NDE1: variants seen among roughly 807,000 people sequenced by gnomAD.
NDE1 encodes nuclear distribution protein nudE homolog 1.
NDE1 carries 28 observed loss-of-function variants against 43.4 expected under a neutral mutation model. The observed-to-expected ratio is 0.65, with a 90% confidence interval of 0.48 to 0.89. The LOEUF (loss-of-function observed/expected upper bound fraction) is 0.89, where lower values mean the gene tolerates loss of function less well. Ranked by LOEUF, NDE1 falls within the 40% of genes least tolerant of loss-of-function variation. The pLI is 0.00. For missense variants in NDE1, 441 were observed against 434.1 expected (o/e 1.02, Z -0.14); for synonymous variants, 184 against 172.0 (o/e 1.07, Z -0.55).
intron 8 of NDE1, chr16:15,714,965 G>C: frequency 6.2e-7 from 1 of 1,614,074 alleles, no homozygotes; most frequent in Admixed American, 1.7e-5. Context: ...TGCTCTCCGT[G>C]GCCTCATCCA....
intron 1 of NDE1, among the ~76,000 whole-genome samples, chr16:15,659,616 T>C (rs1246704851): frequency 1.3e-5 from 2 of 151,748 alleles, no homozygotes; most frequent in African/African-American, 2.4e-5. Context: ...TTTATATTTT[T>C]AGTAGAGATG....
intron 8 of NDE1, chr16:15,714,867 T>C (rs1166003902): frequency 6.2e-7 from 1 of 1,610,966 alleles, no homozygotes; most frequent in Non-Finnish European, 8.5e-7. Flanking sequence ...TGCTTTTCTC[T>C]GGCCTGAGAG....
At chr16:15,665,937 G>C (rs1446301671) in intron 2 of NDE1, among the ~76,000 whole-genome samples, 1 of 151,976 alleles carries the variant, frequency 6.6e-6, no homozygotes, top group Non-Finnish European at 1.5e-5. Flanking sequence ...TGTATTTTTA[G>C]TAGAGACGGG....
At chr16:15,665,408 C>T (rs1433756472) in intron 2 of NDE1, among the ~76,000 whole-genome samples, 3 of 152,030 alleles carry the variant, frequency 2.0e-5, no homozygotes, top group Non-Finnish European at 4.4e-5. Flanking sequence ...CCTGATTATC[C>T]TACTATGCTA....
intron 8 of NDE1, chr16:15,718,205 C>T (rs559423673): frequency 6.4e-6 from 10 of 1,562,124 alleles, no homozygotes; most frequent in Non-Finnish European, 7.8e-6. Flanking sequence ...TCTTGTCCCT[C>T]AATCCAGGGC....
chr16:15,724,187 C>G lies in NDE1; in HGVS notation c.948-4C>G. The G allele has an allele frequency of 6.2e-7, 1 of 1,613,942 alleles. No homozygotes were observed. The highest frequency in any genetic ancestry group is 1.3e-5 in the African/African-American group (1 of 75,046). ...TGATCAAATTTCCTCTGCTTCTTTT[C>G]CAGGTTGGACACGAGTTGCCGCTGG... On this transcript the variant is annotated splice_polypyrimidine_tract_variant and splice_region_variant and intron_variant, in intron 8 of 8. Coordinates refer to ENST00000396354, the MANE Select transcript of NDE1 (RefSeq NM_017668.3).
intron 3 of NDE1, among the ~76,000 whole-genome samples, 175 bp downstream of exon 3, chr16:15,667,614 G>A (rs955653353): frequency 6.7e-6 from 1 of 149,954 alleles, no homozygotes; most frequent in Non-Finnish European, 1.5e-5. Flanking sequence ...GCCTCTAGTG[G>A]GTGGTGCTTT....
At chr16:15,715,323 G>C in intron 8 of NDE1, 5 of 1,577,248 alleles carry the variant, frequency 3.2e-6, no homozygotes, top group East Asian at 2.2e-5. Flanking sequence ...GGCACCCCTT[G>C]TAGCTGGTGT....
intron 7 of NDE1, chr16:15,695,449 A>C (rs1188752978): frequency 1.1e-5 from 11 of 962,950 alleles, no homozygotes. Context: ...CGGAGGTTGC[A>C]GTGAGCTGAG....
chr16:15,661,742 C>T (rs575803418), intron 1 of NDE1, among the ~76,000 whole-genome samples: 1 of 152,132 alleles, frequency 6.6e-6, no homozygotes, highest in East Asian at 1.9e-4. Context: ...CTGCACCCAG[C>T]CACCTTCTGG....
At position 15,725,151 on chromosome 16, in the gene NDE1, AC is replaced by A. The variant is rs1407121848; in HGVS notation, c.*901del. The A allele has an allele frequency of 4.1e-5, 26 of 641,768 alleles. No individual in the cohort carries two copies. In the African/African-American group the frequency reaches 4.7e-4, roughly 12 times the overall value. 39.8% of individuals were successfully genotyped at this position (641,768 alleles called of 1,614,324 possible). On this transcript the variant is annotated 3_prime_UTR_variant, in exon 9 of 9. Transcript: ENST00000396354. ...GACTCTGATAAAAAAAAAAAAAAAC[AC>A]ACACACACACAAAAAAAACAGAATC...
At chr16:15,676,651 A>G (rs2037896574) in intron 3 of NDE1, among the ~76,000 whole-genome samples, 1 of 151,810 alleles carries the variant, frequency 6.6e-6, no homozygotes, top group African/African-American at 2.4e-5. Flanking sequence ...TGTTGTGGGC[A>G]CAAACAACGG....
rs547772543 is a variant in NDE1 at position 15,667,400 on chromosome 16, C to T, written c.198C>T (p.Ser66=). 28 of 1,613,836 alleles carry T rather than the reference C, an allele frequency of 1.7e-5. No homozygotes were observed. The highest frequency in any genetic ancestry group is 1.0e-4 in the Admixed American group (6 of 59,960). ...QIETRNRDLL[S]ENNRLRMELE... is the part of the protein sequence containing the mutation. Reference sequence around the variant, plus strand: ...AAACCAGGAACAGAGACCTCCTGTCCGAAAATAACCGCCTTCGCATGGAGC... The same window carrying T: ...AAACCAGGAACAGAGACCTCCTGTCTGAAAATAACCGCCTTCGCATGGAGC... The change falls in exon 3 of 9, where the codon TCC becomes TCT. Residue 66 remains serine, a synonymous_variant. Coordinates refer to ENST00000396354, the MANE Select transcript of NDE1 (RefSeq NM_017668.3).
rs2040653170 is a variant in NDE1, at chr16:15,724,572, G to A, written c.*321G>A. The stretch of plus-strand genomic sequence containing the variant: ...CACCATCGCACCAACACTCCACCGC[G>A]ATCTGCCTGCGGGGGATCTCAGCGC... On this transcript the variant is annotated 3_prime_UTR_variant, in exon 9 of 9. Coordinates refer to ENST00000396354, the MANE Select transcript of NDE1 (RefSeq NM_017668.3). The A allele has an allele frequency of 1.2e-5, 19 of 1,609,664 alleles. No individual in the cohort carries two copies. Among genetic ancestry groups the A allele is most frequent in the South Asian group, 2.2e-5 (2 of 90,928 alleles).
At chr16:15,723,706 C>T (rs2040602140) in intron 8 of NDE1, among the ~76,000 whole-genome samples, 1 of 151,998 alleles carries the variant, frequency 6.6e-6, no homozygotes, top group Non-Finnish European at 1.5e-5. Context: ...CAGGTGGTGG[C>T]CTTAAAGGTG....
At chr16:15,714,659 G>A (rs962585522) in intron 8 of NDE1, 3 of 591,164 alleles carry the variant, frequency 5.1e-6, no homozygotes, top group Admixed American at 6.0e-5. Flanking sequence ...TCAGCCGGAG[G>A]ACCGGATGGG....
chr16:15,716,511 T>G (rs2040152986), intron 8 of NDE1, among the ~76,000 whole-genome samples: 1 of 151,900 alleles, frequency 6.6e-6, no homozygotes, highest in Non-Finnish European at 1.5e-5. Flanking sequence ...TTTTGTTTTT[T>G]GGGGTTTTTT....
intron 3 of NDE1, among the ~76,000 whole-genome samples, chr16:15,671,574 G>A (rs771432260): frequency 6.6e-6 from 1 of 152,078 alleles, no homozygotes; most frequent in African/African-American, 2.4e-5. Context: ...CCCCATATCC[G>A]TGACACGGAG....
chr16:15,724,565 C>A lies in NDE1; in HGVS notation c.*314C>A. ...GGTCAAGCACCATCGCACCAACACT[C>A]CACCGCGATCTGCCTGCGGGGGATC... On this transcript the variant is annotated 3_prime_UTR_variant, in exon 9 of 9. Coordinates refer to ENST00000396354, the MANE Select transcript of NDE1 (RefSeq NM_017668.3). 6.2e-7 allele frequency: 1 copy of A among 1,609,688 alleles called. No homozygotes were observed. The highest frequency in any genetic ancestry group is 1.7e-5 in the Admixed American group (1 of 60,006).
Sources: gnomAD v4.1 joint callset for allele counts (sites outside exome capture counted in the v4.1 genomes callset) on GRCh38, gnomAD v4.1.1 for gene constraint, MANE v1.5 for transcripts, NCBI Gene and HGNC (gene_info 2026-07-23, HGNC 2026-07-21) for gene names.